The following FOXJ3 variants were observed in gnomAD, a reference collection of about 807,000 sequenced individuals.
FOXJ3 encodes the protein forkhead box protein J3.
In FOXJ3, 22 loss-of-function variants were observed where a neutral mutation model predicts 76.1. The observed-to-expected ratio is 0.29, with a 90% CI of 0.21 to 0.41. FOXJ3 has a LOEUF of 0.41. Ranked by LOEUF, FOXJ3 falls within the 10% of genes least tolerant of loss-of-function variation. FOXJ3 has a pLI of 1.00. For missense variants in FOXJ3, 613 were observed against 762.1 expected, an observed-to-expected ratio of 0.80 and a Z score of 2.30; for synonymous variants, 269 against 261.2, an observed-to-expected ratio of 1.03 and a Z score of -0.29.
rs1039497651 is a variant in FOXJ3 at position 42,234,495 on chromosome 1, G to C, written c.445-6529C>G. On this transcript the variant is annotated intron_variant, in intron 4 of 12. Transcript: ENST00000361346. Reference sequence around the variant, plus strand: ...GGCGCTCTGATTTTTAGAGTTTCCAGTTTTTCTCCTCTGTCTTTTCCCCAT... The same window carrying C: ...GGCGCTCTGATTTTTAGAGTTTCCACTTTTTCTCCTCTGTCTTTTCCCCAT... Among the ~76,000 whole-genome samples, 165 of 152,222 alleles carry C rather than the reference G, an allele frequency of 1.1e-3. 1 individual carries two copies. The highest frequency in any genetic ancestry group is 3.9e-3 in the African/African-American group (160 of 41,514).
chr1:42,217,613 G>A (rs693587), intron 5 of FOXJ3, among the ~76,000 whole-genome samples: 111,388 of 152,010 alleles, frequency 0.73, 41,000 homozygotes, highest in Admixed American at 0.81. Context: ...TCTATGCTGA[G>A]AACCAAAAAA....
At chr1:42,257,019 A>G (rs1650646991) in intron 4 of FOXJ3, among the ~76,000 whole-genome samples, 1 of 152,208 alleles carries the variant, frequency 6.6e-6, no homozygotes, top group African/African-American at 2.4e-5. Context: ...AAAATCTACT[A>G]TGCACTCAAG....
At chr1:42,302,868 C>T (rs957864283) in intron 2 of FOXJ3, among the ~76,000 whole-genome samples, 1 of 151,490 alleles carries the variant, frequency 6.6e-6, no homozygotes. Context: ...GATTCCCCCT[C>T]ATAAAAACTC....
chr1:42,186,845 CCTT>C (rs953460491), intron 11 of FOXJ3, among the ~76,000 whole-genome samples: 5 of 151,752 alleles, frequency 3.3e-5, no homozygotes, highest in East Asian at 1.9e-4. Flanking sequence ...TTTGAGATTG[CCTT>C]CTTCTTCTTC....
chr1:42,257,531 C>T (rs1266993833), intron 4 of FOXJ3, among the ~76,000 whole-genome samples: 1 of 152,018 alleles, frequency 6.6e-6, no homozygotes, highest in African/African-American at 2.4e-5. Context: ...GCCTGGCCAA[C>T]ATGGTGAAAT....
Position 42,247,646 on chromosome 1 carries a change from C to T in FOXJ3, c.444+17469G>A, listed in dbSNP as rs566052701. On this transcript the variant is annotated intron_variant, in intron 4 of 12. Transcript: ENST00000361346. ...AAAGACATTTAATAACTACTATTGG[C>T]AAGGATGTGAAAAACTGCAACCTCA... 2.0e-5 allele frequency among the ~76,000 whole-genome samples: 3 copies of T among 152,244 alleles called. No homozygotes were observed. The South Asian group carries it at 6.2e-4, about 32-fold the overall frequency.
At chr1:42,272,797 C>T (rs983290479) in intron 3 of FOXJ3, among the ~76,000 whole-genome samples, 9 of 152,198 alleles carry the variant, frequency 5.9e-5, no homozygotes, top group Non-Finnish European at 1.3e-4. Flanking sequence ...ACTTTATATG[C>T]TATTCCTTAA....
At chr1:42,180,037 A>G (rs1646286807) in intron 12 of FOXJ3, among the ~76,000 whole-genome samples, 1 of 152,198 alleles carries the variant, frequency 6.6e-6, no homozygotes, top group African/African-American at 2.4e-5. Flanking sequence ...TCACACAACC[A>G]GTAGGGGACA....
chr1:42,324,089 C>CAGTATATATACTGTATATACACAG (rs370060680), intron 1 of FOXJ3, among the ~76,000 whole-genome samples: 1 of 50,842 alleles, frequency 2.0e-5, no homozygotes, highest in Non-Finnish European at 4.0e-5. Flanking sequence ...AGTATATATA[C>CAGTATATATACTGTATATACACAG]TGTATATATA....
At chr1:42,273,612 T>C (rs1219394991) in intron 3 of FOXJ3, among the ~76,000 whole-genome samples, 10 of 142,700 alleles carry the variant, frequency 7.0e-5, no homozygotes, top group Admixed American at 6.8e-4. Flanking sequence ...AAGGTAGAGC[T>C]TGCAGTGAGC....
At chr1:42,219,838 G>A (rs1267555196) in intron 5 of FOXJ3, among the ~76,000 whole-genome samples, 1 of 152,154 alleles carries the variant, frequency 6.6e-6, no homozygotes, top group Non-Finnish European at 1.5e-5. Context: ...AGGATAGCTT[G>A]AGCCCAGGAG....
At chr1:42,302,603 T>C (rs1654223498) in intron 2 of FOXJ3, among the ~76,000 whole-genome samples, 1 of 152,228 alleles carries the variant, frequency 6.6e-6, no homozygotes, top group Non-Finnish European at 1.5e-5. Flanking sequence ...GTTCTCTGTA[T>C]GGCAAGTAGA....
Position 42,265,011 on chromosome 1 carries a change from C to T in FOXJ3, c.444+104G>A, listed in dbSNP as rs1460752331. ...TTAGAGCAGGGTGGGGGAGGACTTA[C>T]TATTTTGCAGAGGTTCCTATTCAAT... is the stretch of plus-strand genomic sequence containing the variant. On this transcript the variant is annotated intron_variant, in intron 4 of 12. Transcript: ENST00000361346. 11 of 804,548 alleles carry T rather than the reference C, an allele frequency of 1.4e-5. No individual in the cohort carries two copies. The East Asian group carries it at 2.5e-4, about 18-fold the overall frequency. 49.8% of individuals were successfully genotyped at this position (804,548 alleles called of 1,614,324 possible). A position where few individuals can be genotyped will look rare whatever the true frequency, so the allele number is the denominator to read the frequency against.
chr1:42,289,172 T>C (rs956204732), intron 2 of FOXJ3, among the ~76,000 whole-genome samples: 2 of 151,682 alleles, frequency 1.3e-5, no homozygotes, highest in African/African-American at 4.8e-5. Flanking sequence ...TATTTAGACA[T>C]GTGTCTTAAT....
rs1646251014 is a variant in FOXJ3, at chr1:42,178,213, A to G, written c.*1497T>C. 1 of 152,262 alleles carries G rather than the reference A, an allele frequency of 6.6e-6. No individual in the cohort carries two copies. Among genetic ancestry groups the G allele is most frequent in the Non-Finnish European group, 1.5e-5 (1 of 68,050 alleles). The allele number at this position is 152,262 out of a possible 1,614,324, so 9.4% of individuals were successfully genotyped here. On this transcript the variant is annotated 3_prime_UTR_variant, in exon 13 of 13. Transcript: ENST00000361346. ...GACAACAGAAACAGCAGGCCACATA[A>G]TATCTACATTAAACACTGAAGCAAA...
intron 2 of FOXJ3, among the ~76,000 whole-genome samples, chr1:42,295,344 GATA>G (rs1353914927): frequency 6.6e-6 from 1 of 152,020 alleles, no homozygotes; most frequent in African/African-American, 2.4e-5. Context: ...TTTCACTTAG[GATA>G]ATAACCTCCA....
chr1:42,188,097 C>G (rs1413759362), intron 11 of FOXJ3, among the ~76,000 whole-genome samples: 4 of 151,892 alleles, frequency 2.6e-5, no homozygotes, highest in Non-Finnish European at 5.9e-5. Flanking sequence ...ATATAACATA[C>G]AGAAAAGAAG....
chr1:42,277,219 G>T (rs1302260446), intron 3 of FOXJ3, among the ~76,000 whole-genome samples: 1 of 152,162 alleles, frequency 6.6e-6, no homozygotes, highest in African/African-American at 2.4e-5. Flanking sequence ...CGAAGCAGGA[G>T]GATCACTTGA....
chr1:42,213,841 G>A (rs1006325606), intron 5 of FOXJ3, among the ~76,000 whole-genome samples: 5 of 152,150 alleles, frequency 3.3e-5, no homozygotes, highest in Non-Finnish European at 5.9e-5. Flanking sequence ...TGGGTACAAA[G>A]TTCTGGTGTT....
Sources: allele counts gnomAD v4.1 joint callset (sites outside exome capture counted in the v4.1 genomes callset), GRCh38; gene constraint gnomAD v4.1.1; transcripts MANE v1.5; gene names NCBI Gene and HGNC (gene_info 2026-07-23, HGNC 2026-07-21).